The following NYAP2 variants were observed in gnomAD, a reference collection of about 807,000 sequenced individuals.
NYAP2 encodes neuronal tyrosine-phosphorylated phosphoinositide-3-kinase adapter 2.
Under a neutral mutation model 50.4 loss-of-function variants are expected in NYAP2, and 23 were observed. The observed-to-expected ratio is 0.46, with a 90% confidence interval of 0.33 to 0.65. The LOEUF (loss-of-function observed/expected upper bound fraction) is 0.65. Ranked by LOEUF, NYAP2 falls within the 30% of genes least tolerant of loss-of-function variation. NYAP2 has a pLI of 0.02. For missense variants in NYAP2, 885 were observed against 861.0 expected, an observed-to-expected ratio of 1.03 and a Z score of -0.35; for synonymous variants, 394 against 365.2, an observed-to-expected ratio of 1.08 and a Z score of -0.90.
chr2:225,668,671 G>C, the NYAP2 span, among the ~76,000 whole-genome samples: 1 of 152,158 alleles, frequency 6.6e-6, no homozygotes, highest in Non-Finnish European at 1.5e-5. Flanking sequence ...AGTTCACAGA[G>C]TAATGGCAGA....
intron 4 of NYAP2, among the ~76,000 whole-genome samples, chr2:225,574,164 C>A (rs1001112187): frequency 6.6e-6 from 1 of 152,188 alleles, no homozygotes; most frequent in African/African-American, 2.4e-5. Context: ...GGCACAGCTC[C>A]TAGGTTGCAA....
At chr2:225,541,424 G>T (rs1691469705) in intron 4 of NYAP2, among the ~76,000 whole-genome samples, 1 of 152,076 alleles carries the variant, frequency 6.6e-6, no homozygotes, top group Non-Finnish European at 1.5e-5. Context: ...ATGATTTGAG[G>T]TCTTAGATTT....
chr2:225,461,762 G>A lies in NYAP2; in HGVS notation c.222-51609G>A, dbSNP rs150583558. On this transcript the variant is annotated intron_variant, in intron 3 of 6. Transcript: ENST00000636099. ...GACAAAAGCAGCCAGTCCTCATTCT[G>A]TCTGTTAAACAGATCTGTTAGTGAA... 5.9e-3 allele frequency among the ~76,000 whole-genome samples: 894 copies of A among 152,254 alleles called. 3 individuals carry two copies. The highest frequency in any genetic ancestry group is 1.0e-2 in the Non-Finnish European group (680 of 68,024).
chr2:225,593,940 C>T (rs1021669407), intron 5 of NYAP2, among the ~76,000 whole-genome samples: 5 of 152,196 alleles, frequency 3.3e-5, no homozygotes, highest in South Asian at 2.1e-4. Flanking sequence ...TGAATCATTG[C>T]TTCTACTCTT....
At chr2:225,649,001 A>G (rs1369747837) in intron 6 of NYAP2, among the ~76,000 whole-genome samples, 5 of 152,216 alleles carry the variant, frequency 3.3e-5, no homozygotes, top group African/African-American at 1.2e-4. Flanking sequence ...AGGTGGAAAG[A>G]GAGTCATTTT....
chr2:225,579,779 C>T (rs972320693), intron 4 of NYAP2, among the ~76,000 whole-genome samples: 2 of 152,208 alleles, frequency 1.3e-5, no homozygotes, highest in African/African-American at 4.8e-5. Flanking sequence ...GGCATAGGCT[C>T]AGCAGATGCT....
intron 6 of NYAP2, among the ~76,000 whole-genome samples, chr2:225,635,311 A>C (rs2106262502): frequency 6.6e-6 from 1 of 152,286 alleles, no homozygotes; most frequent in African/African-American, 2.4e-5. Context: ...AATATTAATA[A>C]ATTAATATTT....
chr2:225,506,809 C>G (rs1478381853), intron 3 of NYAP2, among the ~76,000 whole-genome samples: 1 of 152,140 alleles, frequency 6.6e-6, no homozygotes, highest in African/African-American at 2.4e-5. Context: ...CAAATCTCAT[C>G]CTCTTCTTTA....
chr2:225,510,812 G>T (rs1382920727), intron 3 of NYAP2, among the ~76,000 whole-genome samples: 1 of 150,762 alleles, frequency 6.6e-6, no homozygotes, highest in African/African-American at 2.4e-5. Context: ...TGTGTAAAAG[G>T]CATATATGAA....
In NYAP2 at chr2:225,582,362, C is replaced by T. The variant is rs764777290; in HGVS notation, c.945C>T (p.Pro315=). Residue 315 remains proline (P), a synonymous_variant, in exon 5 of 7, where the codon CCC becomes CCT. Coordinates refer to ENST00000636099, the Ensembl canonical transcript of NYAP2. The surrounding 1 kb of genome is among the most constrained non-coding windows in gnomAD (Gnocchi z 7.0). ...CCAAGGCCTCAGTGCCATGCCCCCC[C>T]AAGGGGCTGCTTTGCGACATCCCTC... 5.0e-6 allele frequency: 8 copies of T among 1,612,384 alleles called. No homozygotes were observed. Among genetic ancestry groups the T allele is most frequent in the South Asian group, 1.1e-5 (1 of 91,068 alleles).
Position 225,619,391 on chromosome 2 carries a change from T to G in NYAP2, c.1619-7526T>G, listed in dbSNP as rs549181388. On this transcript the variant is annotated intron_variant, in intron 5 of 6. Coordinates refer to ENST00000636099, the Ensembl canonical transcript of NYAP2. ...CACCCAGGCGGTCATATGCAAAGGCTCATTCATGCTATACTGTTTTGTTCC... is the reference window on the plus strand; with the variant it reads ...CACCCAGGCGGTCATATGCAAAGGCGCATTCATGCTATACTGTTTTGTTCC... 3.3e-5 allele frequency among the ~76,000 whole-genome samples: 5 copies of G among 152,336 alleles called. No individual in the cohort carries two copies. In the East Asian group the frequency reaches 9.7e-4, roughly 29 times the overall value.
intron 4 of NYAP2, among the ~76,000 whole-genome samples, chr2:225,543,916 T>C (rs1308899131): frequency 6.6e-6 from 1 of 152,118 alleles, no homozygotes; most frequent in Non-Finnish European, 1.5e-5. Context: ...TAATAATATT[T>C]GCTTTAGATA....
At chr2:225,543,747 A>G (rs1157027104) in intron 4 of NYAP2, among the ~76,000 whole-genome samples, 1 of 152,026 alleles carries the variant, frequency 6.6e-6, no homozygotes, top group East Asian at 1.9e-4. Context: ...CCTGTTGTAT[A>G]AAATGTTCTA....
chr2:225,613,843 A>G (rs980502608), intron 5 of NYAP2, among the ~76,000 whole-genome samples: 3 of 152,168 alleles, frequency 2.0e-5, no homozygotes, highest in East Asian at 3.8e-4. Flanking sequence ...GGTAGTAGAA[A>G]GGAGAATTAA....
chr2:225,488,821 G>T (rs1254911328), intron 3 of NYAP2, among the ~76,000 whole-genome samples: 1 of 152,196 alleles, frequency 6.6e-6, no homozygotes, highest in Non-Finnish European at 1.5e-5. Context: ...ATAGTCTACA[G>T]AACCAAGTCA....
At chr2:225,483,719 T>C (rs1044914384) in intron 3 of NYAP2, among the ~76,000 whole-genome samples, 1 of 152,240 alleles carries the variant, frequency 6.6e-6, no homozygotes, top group Non-Finnish European at 1.5e-5. Context: ...GTTTTGTTTA[T>C]ATTTGAGTCC....
intron 3 of NYAP2, among the ~76,000 whole-genome samples, chr2:225,443,852 C>T (rs1689510501): frequency 6.6e-6 from 1 of 152,186 alleles, no homozygotes; most frequent in South Asian, 2.1e-4. Context: ...CCTGTCAAGA[C>T]TTATATAAGG....
At chr2:225,624,831 G>T (rs993845148) in intron 5 of NYAP2, among the ~76,000 whole-genome samples, 19 of 151,770 alleles carry the variant, frequency 1.3e-4, no homozygotes, top group African/African-American at 3.4e-4. Context: ...TATTTTCTTT[G>T]TTTTGTACGT....
At chr2:225,700,569 T>C in the NYAP2 span, 1 of 151,720 alleles carries the variant, frequency 6.6e-6, no homozygotes, top group Non-Finnish European at 1.5e-5. Flanking sequence ...TTAGATAAAA[T>C]CAGAATGGAA....
Sources: allele counts gnomAD v4.1 joint callset (sites outside exome capture counted in the v4.1 genomes callset), GRCh38; gene constraint gnomAD v4.1.1; non-coding constraint Gnocchi (gnomAD v3.1); transcripts MANE v1.5; gene names NCBI Gene and HGNC (gene_info 2026-07-23, HGNC 2026-07-21).